The following TINAGL1 variants were observed in gnomAD, a reference collection of about 807,000 sequenced individuals.
TINAGL1 encodes tubulointerstitial nephritis antigen like 1.
A neutral mutation model predicts 62.0 loss-of-function variants in TINAGL1; 34 were observed. The observed-to-expected ratio is 0.55, with a 90% CI of 0.42 to 0.73. The LOEUF (loss-of-function observed/expected upper bound fraction) is 0.73. Ranked by LOEUF, TINAGL1 falls within the 30% of genes least tolerant of loss-of-function variation. The pLI, the probability that TINAGL1 is intolerant of heterozygous loss-of-function variation, is 0.00. For missense variants in TINAGL1, 516 were observed against 653.2 expected, an observed-to-expected ratio of 0.79 and a Z score of 2.29; for synonymous variants, 221 against 249.7, an observed-to-expected ratio of 0.88 and a Z score of 1.08.
chr1:31,582,453 GC>G (rs1233961890), intron 3 of TINAGL1, among the ~76,000 whole-genome samples: 8 of 152,318 alleles, frequency 5.3e-5, no homozygotes, highest in Admixed American at 3.9e-4. Flanking sequence ...GACAGAGCGT[GC>G]AGGGCCTTGT....
chr1:31,584,859 G>C lies in TINAGL1; in HGVS notation c.707-27G>C. On this transcript the variant is annotated intron_variant, in intron 6 of 11. Coordinates refer to ENST00000271064, the MANE Select transcript of TINAGL1 (RefSeq NM_022164.3). This position sits in a 1 kb window ranked among gnomAD's most constrained non-coding sequence, Gnocchi z 4.0. ...AGGAGGGCCAAGTCCTGAGCCTCCC[G>C]ACAGCCCCTCTATCTCACCCCACCA... The C allele has an allele frequency of 1.2e-6, 2 of 1,613,486 alleles. No individual in the cohort carries two copies. The highest frequency in any genetic ancestry group is 1.3e-5 in the African/African-American group (1 of 75,048).
At chr1:31,586,689 C>T (rs767522702) in intron 10 of TINAGL1, 21 bp from the exon 11 acceptor site, 7 of 1,556,914 alleles carry the variant, frequency 4.5e-6, no homozygotes, top group Non-Finnish European at 5.2e-6. Context: ...CTCCCTTCCC[C>T]CTCCTCTGCT....
rs1344295069 is a variant in TINAGL1, at chr1:31,578,378, A to ATG, written c.311-807_311-806dup. ...GGCTTCAATTTCAGTGAGAGCTGGT[A>ATG]TGTGTGTGTGTGTGTGTGTGATGCC... On this transcript the variant is annotated intron_variant, in intron 2 of 11. Transcript: ENST00000271064. Among the ~76,000 whole-genome samples the ATG allele has an allele frequency of 3.2e-3, 186 of 57,438 alleles. 2 individuals are homozygous for ATG. The highest frequency in any genetic ancestry group is 9.7e-3 in the South Asian group (16 of 1,644). The allele number at this position is 57,438 out of a possible 152,430, so 37.7% of individuals were successfully genotyped here.
rs1639000786 is a variant in TINAGL1, at chr1:31,577,255, A to C, written c.107A>C (p.His36Pro). 6.2e-7 allele frequency: 1 copy of C among 1,610,766 alleles called. No homozygotes were observed. The highest frequency in any genetic ancestry group is 1.1e-5 in the South Asian group (1 of 90,978). The change falls in exon 2 of 12, where the codon CAC (histidine) becomes CCC (proline). Residue 36 changes from histidine (H) to proline (P), a missense_variant. His to Pro is a moderately conservative substitution (Grantham distance 77, BLOSUM62 -2). Transcript: ENST00000271064. The surrounding 1 kb of genome is among the most constrained non-coding windows in gnomAD (Gnocchi z 5.4). ...CGCCGGGAGCTAGCACCGGGTCTGC[A>C]CCTGCGGGGCATCCGGGACGCGGGA... is the stretch of plus-strand genomic sequence containing the variant. ...RGRRELAPGLHLRGIRDAGGR... is the reference protein window; with the variant it reads ...RGRRELAPGLPLRGIRDAGGR...
At position 31,587,098 on chromosome 1, in the gene TINAGL1, A is replaced by T. The variant is rs1639417581; in HGVS notation, c.*119A>T. The T allele has an allele frequency of 2.3e-6, 3 of 1,311,846 alleles. No individual in the cohort carries two copies. The highest frequency in any genetic ancestry group is 4.5e-5 in the South Asian group (2 of 44,116). The allele number at this position is 1,311,846 out of a possible 1,614,324, so 81.3% of individuals were successfully genotyped here. A position where few individuals can be genotyped will look rare whatever the true frequency, so the allele number is the denominator to read the frequency against. ...AGAGCCCGGGGCGCAGGCGGGCGCC[A>T]GGGCGCTAATCCCGGCGCGGGTTCC... On this transcript the variant is annotated 3_prime_UTR_variant, in exon 12 of 12. Coordinates refer to ENST00000271064, the MANE Select transcript of TINAGL1 (RefSeq NM_022164.3).
chr1:31,583,058 C>A lies in TINAGL1; in HGVS notation c.375-91C>A. On this transcript the variant is annotated intron_variant, in intron 3 of 11. Transcript: ENST00000271064. This position sits in a 1 kb window ranked among gnomAD's most constrained non-coding sequence, Gnocchi z 4.4. Reference sequence around the variant, plus strand: ...ATTCTCCCACAGTCACTTGCACAGACTCCCTGGCCCATGTTAACCTCCGAG... The same window carrying A: ...ATTCTCCCACAGTCACTTGCACAGAATCCCTGGCCCATGTTAACCTCCGAG... 1.8e-6 allele frequency: 2 copies of A among 1,121,496 alleles called. No homozygotes were observed. Among genetic ancestry groups the A allele is most frequent in the South Asian group, 1.2e-5 (1 of 80,180 alleles). 69.5% of individuals were successfully genotyped at this position (1,121,496 alleles called of 1,614,324 possible).
Position 31,583,663 on chromosome 1 carries a change from C to T in TINAGL1, c.582+88C>T. ...GCCCTGTGCCCTGCTCCTCCAAGGG[C>T]CTGGACCATCCCCTACTACAAGGCT... is the stretch of plus-strand genomic sequence containing the variant. On this transcript the variant is annotated intron_variant, in intron 5 of 11. Coordinates refer to ENST00000271064, the MANE Select transcript of TINAGL1 (RefSeq NM_022164.3). This position sits in a 1 kb window ranked among gnomAD's most constrained non-coding sequence, Gnocchi z 4.4. 1 of 1,139,806 alleles carries T rather than the reference C, an allele frequency of 8.8e-7. No homozygotes were observed. The highest frequency in any genetic ancestry group is 2.6e-5 in the East Asian group (1 of 38,914). 70.6% of individuals were successfully genotyped at this position (1,139,806 alleles called of 1,614,324 possible). A position where few individuals can be genotyped will look rare whatever the true frequency, so the allele number is the denominator to read the frequency against.
intron 3 of TINAGL1, chr1:31,580,212 TGTCTCTCTCTCTCTGTCTCTCTCTGTCTC>T (rs2148589115): frequency 1.7e-6 from 1 of 576,166 alleles, no homozygotes; most frequent in Non-Finnish European, 2.1e-6. Context: ...TCTCTCTCTC[TGTCTCTCTCTCTCTGTCTCTCTCTGTCTC>T]TCTCTCTCTG....
Position 31,586,931 on chromosome 1 carries a change from G to A in TINAGL1, c.1356G>A (p.Val452=). ...GVNECDIESF[V]LGVWGRVGME... is the part of the protein sequence containing the mutation. ...ATGAGTGCGACATCGAGAGCTTCGT[G>A]CTGGGCGTCTGGGGCCGCGTGGGCA... is the stretch of plus-strand genomic sequence containing the variant. Residue 452 remains valine, a synonymous_variant, in exon 12 of 12, where the codon GTG becomes GTA. Coordinates refer to ENST00000271064, the MANE Select transcript of TINAGL1 (RefSeq NM_022164.3). 1 of 1,538,062 alleles carries A rather than the reference G, an allele frequency of 6.5e-7. No homozygotes were observed. Among genetic ancestry groups the A allele is most frequent in the Non-Finnish European group, 8.7e-7 (1 of 1,145,750 alleles).
rs761913165 is a variant in TINAGL1 at position 31,583,589 on chromosome 1, T to TC, written c.582+18dup. The TC allele has an allele frequency of 3.1e-6, 5 of 1,601,094 alleles. No individual in the cohort carries two copies. Among genetic ancestry groups the TC allele is most frequent in the African/African-American group, 1.3e-5 (1 of 74,644 alleles). On this transcript the variant is annotated intron_variant, in intron 5 of 11. Coordinates refer to ENST00000271064, the MANE Select transcript of TINAGL1 (RefSeq NM_022164.3). This position sits in a 1 kb window ranked among gnomAD's most constrained non-coding sequence, Gnocchi z 4.4. ...CATGAAATTTATGTAAGTCCATCCTTCCCCACAATGCTGCCATCTCCCCAT... is the reference window on the plus strand; with the variant it reads ...CATGAAATTTATGTAAGTCCATCCTTCCCCCACAATGCTGCCATCTCCCCAT...
chr1:31,579,366 T>C, intron 3 of TINAGL1, 99 bp downstream of exon 3: 4 of 1,052,040 alleles, frequency 3.8e-6, no homozygotes, highest in South Asian at 1.4e-5. Context: ...GGGAGAAGTC[T>C]TTTCCCTTCT....
chr1:31,582,423 A>G (rs1639270625), intron 3 of TINAGL1, among the ~76,000 whole-genome samples: 1 of 151,750 alleles, frequency 6.6e-6, no homozygotes, highest in Non-Finnish European at 1.5e-5. Flanking sequence ...TTGAAGGAGG[A>G]GGGGATCAGG....
intron 3 of TINAGL1, chr1:31,580,235 CTGT>C: frequency 9.8e-7 from 1 of 1,024,484 alleles, no homozygotes; most frequent in Non-Finnish European, 1.2e-6. Flanking sequence ...CTGTCTCTCT[CTGT>C]CTCTCTCTCT....
chr1:31,587,103 G>T lies in TINAGL1; in HGVS notation c.*124G>T. On this transcript the variant is annotated 3_prime_UTR_variant, in exon 12 of 12. Transcript: ENST00000271064. ...CCGGGGCGCAGGCGGGCGCCAGGGC[G>T]CTAATCCCGGCGCGGGTTCCGCTGA... 1 of 1,297,308 alleles carries T rather than the reference G, an allele frequency of 7.7e-7. No homozygotes were observed. The allele number at this position is 1,297,308 out of a possible 1,614,324, so 80.4% of individuals were successfully genotyped here. A position where few individuals can be genotyped will look rare whatever the true frequency, so the allele number is the denominator to read the frequency against.
Position 31,586,850 on chromosome 1 carries a change from C to T in TINAGL1, c.1275C>T (p.Asn425=). Reference sequence around the variant, plus strand: ...CTCCTTATTCCCAGACTGCGGCCAACTCCTGGGGCCCAGCCTGGGGCGAGA... The same window carrying T: ...CTCCTTATTCCCAGACTGCGGCCAATTCCTGGGGCCCAGCCTGGGGCGAGA... ...GRTLKYWTAA[N]SWGPAWGERG... The change falls in exon 12 of 12, where the codon AAC becomes AAT. Residue 425 remains asparagine, a synonymous_variant. Transcript: ENST00000271064. 1 of 1,548,104 alleles carries T rather than the reference C, an allele frequency of 6.5e-7. No homozygotes were observed. Among genetic ancestry groups the T allele is most frequent in the African/African-American group, 1.4e-5 (1 of 74,042 alleles).
chr1:31,585,848 C>A lies in TINAGL1; in HGVS notation c.1189C>A (p.His397Asn). 6.2e-7 allele frequency: 1 copy of A among 1,603,736 alleles called. No homozygotes were observed. The highest frequency in any genetic ancestry group is 1.7e-4 in the Middle Eastern group (1 of 6,050). ...TGGGAGGCCAGAGAGATACCGCCGG[C>A]ATGGGACCCACTCAGTCAAGATCAC... ...SLGRPERYRR[H>N]GTHSVKITGW... Residue 397 changes from histidine to asparagine, a missense_variant, in exon 10 of 12, where the codon CAT becomes AAT. Physicochemically the swap from His to Asn is moderately conservative, Grantham distance 68. Coordinates refer to ENST00000271064, the MANE Select transcript of TINAGL1 (RefSeq NM_022164.3). This position sits in a 1 kb window ranked among gnomAD's most constrained non-coding sequence, Gnocchi z 4.3.
At position 31,585,536 on chromosome 1, in the gene TINAGL1, G is replaced by A. The variant is rs1639368214; in HGVS notation, c.1093+51G>A. ...GTTCCAGAAGCTTGTGCCTGCTTGA[G>A]AGTGGGCACAGTAGCACAAGTGGCC... On this transcript the variant is annotated intron_variant, in intron 9 of 11. Coordinates refer to ENST00000271064, the MANE Select transcript of TINAGL1 (RefSeq NM_022164.3). This position sits in a 1 kb window ranked among gnomAD's most constrained non-coding sequence, Gnocchi z 4.3. The A allele has an allele frequency of 6.2e-7, 1 of 1,608,204 alleles. No homozygotes were observed. Among genetic ancestry groups the A allele is most frequent in the Non-Finnish European group, 8.5e-7 (1 of 1,176,032 alleles).
intron 3 of TINAGL1, among the ~76,000 whole-genome samples, chr1:31,581,172 C>T (rs888453895): frequency 6.6e-6 from 1 of 151,932 alleles, no homozygotes; most frequent in Non-Finnish European, 1.5e-5. Context: ...TTCCGTGGCT[C>T]ACATCAGCTG....
In TINAGL1 at chr1:31,583,654, C is replaced by T; in HGVS notation, c.582+79C>T. ...GGGATGCTGGCCCTGTGCCCTGCTCCTCCAAGGGCCTGGACCATCCCCTAC... is the reference window on the plus strand; with the variant it reads ...GGGATGCTGGCCCTGTGCCCTGCTCTTCCAAGGGCCTGGACCATCCCCTAC... On this transcript the variant is annotated intron_variant, in intron 5 of 11. Transcript: ENST00000271064. This position sits in a 1 kb window ranked among gnomAD's most constrained non-coding sequence, Gnocchi z 4.4. 2 of 1,270,938 alleles carry T rather than the reference C, an allele frequency of 1.6e-6. No homozygotes were observed. The highest frequency in any genetic ancestry group is 1.3e-5 in the South Asian group (1 of 76,642). The allele number at this position is 1,270,938 out of a possible 1,614,324, so 78.7% of individuals were successfully genotyped here.
Sources: allele counts gnomAD v4.1 joint callset (sites outside exome capture counted in the v4.1 genomes callset), GRCh38; gene constraint gnomAD v4.1.1; non-coding constraint Gnocchi (gnomAD v3.1); transcripts MANE v1.5; gene names NCBI Gene and HGNC (gene_info 2026-07-23, HGNC 2026-07-21).